The following SF3B3 variants were observed in gnomAD, a reference collection of about 807,000 sequenced individuals.
SF3B3 encodes SAP 130.
SF3B3 carries 33 observed loss-of-function variants against 139.2 expected under a neutral mutation model. That is an observed-to-expected ratio of 0.24 (90% confidence interval 0.18 to 0.32). SF3B3 has a LOEUF of 0.32. Ranked by LOEUF, SF3B3 falls within the 10% of genes least tolerant of loss-of-function variation. The pLI is 1.00. For missense variants in SF3B3, 818 were observed against 1,509.4 expected (o/e 0.54, Z 7.59); for synonymous variants, 596 against 563.6 (o/e 1.06, Z -0.81).
chr16:70,556,968 A>G lies in SF3B3; in HGVS notation c.1949A>G (p.Lys650Arg). 2 of 1,614,128 alleles carry G rather than the reference A, an allele frequency of 1.2e-6. No individual in the cohort carries two copies. Among genetic ancestry groups the G allele is most frequent in the East Asian group, 4.5e-5 (2 of 44,880 alleles). The change falls in exon 15 of 26, where the codon AAG (lysine) becomes AGG (arginine). Residue 650 changes from lysine to arginine, a missense_variant. Transcript: ENST00000302516. ...ATCGTGGAAATGGGTGGGACTGAGA[A>G]GCAGGATGAGCTGGGTGAGAGGGGC... is the stretch of plus-strand genomic sequence containing the variant. The part of the protein sequence containing the change: ...LCIVEMGGTE[K>R]QDELGERGSI...
At chr16:70,568,646 C>G (rs2050499962) in intron 22 of SF3B3, 151 bp downstream of exon 22, 1 of 647,776 alleles carries the variant, frequency 1.5e-6, no homozygotes, top group African/African-American at 1.8e-5. Flanking sequence ...GCAATCTGTT[C>G]TTTAAGCCTT....
At chr16:70,560,349 A>C in intron 15 of SF3B3, 120 bp from the exon 16 acceptor site, 3 of 1,034,624 alleles carry the variant, frequency 2.9e-6, no homozygotes, top group Non-Finnish European at 2.7e-6. Context: ...TTTTTTAAAC[A>C]CCCAAGTCAT....
At chr16:70,560,434 C>T (rs1303737318) in intron 15 of SF3B3, 35 bp from the exon 16 acceptor site, 1 of 1,606,100 alleles carries the variant, frequency 6.2e-7, no homozygotes, top group Admixed American at 1.7e-5. Context: ...GATAAGCTTC[C>T]ATCAGGCTTC....
chr16:70,545,939 A>C (rs955512310), intron 10 of SF3B3, among the ~76,000 whole-genome samples: 1 of 152,148 alleles, frequency 6.6e-6, no homozygotes, highest in African/African-American at 2.4e-5. Context: ...AATTTCAATG[A>C]CTCAGACCCA....
At chr16:70,536,221 G>A (rs569384034) in intron 6 of SF3B3, among the ~76,000 whole-genome samples, 10 of 151,460 alleles carry the variant, frequency 6.6e-5, no homozygotes, top group Admixed American at 6.6e-5. Context: ...ATGCTGGAGT[G>A]CAGTGTTGTG....
chr16:70,571,077 T>G lies in SF3B3; in HGVS notation c.3409-18T>G, dbSNP rs756763353. On this transcript the variant is annotated intron_variant, in intron 24 of 25. Coordinates refer to ENST00000302516, the MANE Select transcript of SF3B3 (RefSeq NM_012426.5). ...TGAAATCACTTCTCAGTGACAGATT[T>G]TTTGTTTCTTCTGCCAGGACCATGA... 3 of 1,589,890 alleles carry G rather than the reference T, an allele frequency of 1.9e-6. No homozygotes were observed. The East Asian group carries it at 6.7e-5, about 36-fold the overall frequency.
At position 70,574,373 on chromosome 16, in the gene SF3B3, G is replaced by C. The variant is rs908878848; in HGVS notation, c.*2560G>C. The C allele has an allele frequency of 1.3e-5, 2 of 152,156 alleles. No individual in the cohort carries two copies. Among genetic ancestry groups the C allele is most frequent in the African/African-American group, 4.8e-5 (2 of 41,420 alleles). 9.4% of individuals were successfully genotyped at this position (152,156 alleles called of 1,614,324 possible). The stretch of plus-strand genomic sequence containing the variant: ...TAATTTTTAAACTTTTGTAGAGACA[G>C]GGTCTCCCTGTGTTGCCCAGGCTGG... On this transcript the variant is annotated 3_prime_UTR_variant, in exon 26 of 26. Transcript: ENST00000302516.
At chr16:70,532,269 GCAA>G (rs1240013916) in intron 4 of SF3B3, among the ~76,000 whole-genome samples, 1 of 144,778 alleles carries the variant, frequency 6.9e-6, no homozygotes, top group African/African-American at 2.7e-5. Context: ...TCCAGCCTGG[GCAA>G]CGAGCAAAAC....
chr16:70,572,677 C>T lies in SF3B3; in HGVS notation c.*864C>T, dbSNP rs1314890440. 1 of 153,330 alleles carries T rather than the reference C, an allele frequency of 6.5e-6. No homozygotes were observed. The highest frequency in any genetic ancestry group is 1.4e-5 in the Non-Finnish European group (1 of 69,016). 9.5% of individuals were successfully genotyped at this position (153,330 alleles called of 1,614,324 possible). A position where few individuals can be genotyped will look rare whatever the true frequency, so the allele number is the denominator to read the frequency against. On this transcript the variant is annotated 3_prime_UTR_variant, in exon 26 of 26. Coordinates refer to ENST00000302516, the MANE Select transcript of SF3B3 (RefSeq NM_012426.5). ...CAGCACCTAAAGCGATCTTTGGCTCCATAGGACCATAGGAAGGGTCAGTAC... is the reference window on the plus strand; with the variant it reads ...CAGCACCTAAAGCGATCTTTGGCTCTATAGGACCATAGGAAGGGTCAGTAC...
At chr16:70,530,219 TC>T (rs2050108123) in intron 3 of SF3B3, among the ~76,000 whole-genome samples, 1 of 151,880 alleles carries the variant, frequency 6.6e-6, no homozygotes, top group Non-Finnish European at 1.5e-5. Flanking sequence ...GGTCTTGAAT[TC>T]CTGGGCTCAA....
intron 2 of SF3B3, chr16:70,527,030 T>G (rs188263495): frequency 4.6e-5 from 15 of 329,184 alleles, no homozygotes. Flanking sequence ...ACCTGATCTT[T>G]GATCTTGAAT....
chr16:70,561,677 T>G lies in SF3B3; in HGVS notation c.2181T>G (p.Ser727=). The change falls in exon 17 of 26, where the codon TCT becomes TCG. Residue 727 remains serine (S), a synonymous_variant. Transcript: ENST00000302516. Reference sequence around the variant, plus strand: ...CATGGTTGAGCTATTCTTACCAATCTCGCTTCCATCTCACCCCACTGTCTT... The same window carrying G: ...CATGGTTGAGCTATTCTTACCAATCGCGCTTCCATCTCACCCCACTGTCTT... The part of the protein sequence containing the change: ...SRSWLSYSYQ[S]RFHLTPLSYE... 1 of 1,614,010 alleles carries G rather than the reference T, an allele frequency of 6.2e-7. No individual in the cohort carries two copies. The highest frequency in any genetic ancestry group is 8.5e-7 in the Non-Finnish European group (1 of 1,179,932).
chr16:70,539,164 C>T lies in SF3B3; in HGVS notation c.1024C>T (p.Leu342Phe). 1 of 1,614,090 alleles carries T rather than the reference C, an allele frequency of 6.2e-7. No individual in the cohort carries two copies. Among genetic ancestry groups the T allele is most frequent in the Non-Finnish European group, 8.5e-7 (1 of 1,179,946 alleles). The change falls in exon 8 of 26, where the codon CTT (leucine) becomes TTT (phenylalanine). Residue 342 changes from leucine (L) to phenylalanine (F), a missense_variant. Physicochemically the swap from Leu to Phe is conservative, Grantham distance 22. Around this residue, in one of 14 missense-constraint regions of SF3B3, gnomAD observed 80 missense variants for 206.5 expected, o/e 0.39. Transcript: ENST00000302516. Reference sequence around the variant, plus strand: ...ACCCGTTGCTGCTGCCATGTGTGTGCTTAAAACAGGGTTCCTTTTTGTAGC... The same window carrying T: ...ACCCGTTGCTGCTGCCATGTGTGTGTTTAAAACAGGGTTCCTTTTTGTAGC... ...TVPVAAAMCVLKTGFLFVASE... is the reference protein window; with the variant it reads ...TVPVAAAMCVFKTGFLFVASE...
Position 70,544,537 on chromosome 16 carries a change from A to C in SF3B3, c.1329+4A>C. 6.4e-7 allele frequency: 1 copy of C among 1,574,172 alleles called. No homozygotes were observed. Among genetic ancestry groups the C allele is most frequent in the Non-Finnish European group, 8.7e-7 (1 of 1,143,742 alleles). On this transcript the variant is annotated splice_donor_region_variant and intron_variant, in intron 10 of 25. Transcript: ENST00000302516. ...AGTCCTAAGACATGGACTTGAGGTA[A>C]GGTTGCAATTTCTAGATAATCTGCA...
chr16:70,530,278 C>T lies in SF3B3; in HGVS notation c.398-467C>T, dbSNP rs530614954. Among the ~76,000 whole-genome samples the T allele has an allele frequency of 1.9e-3, 290 of 149,948 alleles. 1 individual carries two copies. Among genetic ancestry groups the T allele is most frequent in the South Asian group, 0.01 (48 of 4,726 alleles). On this transcript the variant is annotated intron_variant, in intron 3 of 25. Transcript: ENST00000302516. The stretch of plus-strand genomic sequence containing the variant: ...CCTCCCAAAGTGCTGGGATTACAGA[C>T]TTGAGCCACTGTGCCCAGCTCCACT...
chr16:70,546,600 G>A (rs2050270734), intron 10 of SF3B3, among the ~76,000 whole-genome samples: 1 of 151,840 alleles, frequency 6.6e-6, no homozygotes, highest in African/African-American at 2.4e-5. Flanking sequence ...GCAGTGAGCC[G>A]AGATCACGCC....
chr16:70,562,589 T>C (rs1165199201), intron 17 of SF3B3, among the ~76,000 whole-genome samples: 3 of 152,168 alleles, frequency 2.0e-5, no homozygotes, highest in Non-Finnish European at 4.4e-5. Context: ...CTAGAATGCT[T>C]CACCCACATA....
chr16:70,556,802 A>G (rs916852708), intron 14 of SF3B3, 84 bp from the exon 15 acceptor site: 30 of 1,511,792 alleles, frequency 2.0e-5, no homozygotes, highest in Non-Finnish European at 2.6e-5. Context: ...TACTTTTTCA[A>G]TCCTAGAATT....
In SF3B3 at chr16:70,572,044, C is replaced by G. The variant is rs1235973427; in HGVS notation, c.*231C>G. On this transcript the variant is annotated 3_prime_UTR_variant, in exon 26 of 26. Coordinates refer to ENST00000302516, the MANE Select transcript of SF3B3 (RefSeq NM_012426.5). ...CCCCACCTGGTACATGATACATGAC[C>G]CCAGGTTCCAGTGTAGAACCTGAGT... The G allele has an allele frequency of 1.5e-6, 1 of 665,970 alleles. No individual in the cohort carries two copies. The highest frequency in any genetic ancestry group is 1.8e-5 in the African/African-American group (1 of 56,618). The allele number at this position is 665,970 out of a possible 1,614,324, so 41.3% of individuals were successfully genotyped here.
Sources: allele counts gnomAD v4.1 joint callset (sites outside exome capture counted in the v4.1 genomes callset), GRCh38; gene constraint gnomAD v4.1.1; regional missense constraint gnomAD v4.1.1; transcripts MANE v1.5; gene names NCBI Gene and HGNC (gene_info 2026-07-23, HGNC 2026-07-21).